ANKS1B: variants seen among roughly 807,000 people sequenced by gnomAD.
The protein encoded by ANKS1B is ankyrin repeat and sterile alpha motif domain-containing protein 1B.
Under a neutral mutation model 148.3 loss-of-function variants are expected in ANKS1B, and 36 were observed. The observed-to-expected ratio is 0.24, with a 90% CI of 0.19 to 0.32. The LOEUF is 0.32. ANKS1B is among the 10% of genes least tolerant of loss of function. The probability of loss-of-function intolerance (pLI) is 1.00; values close to 1 mark genes in which losing one functional copy is unlikely to be tolerated. For missense variants in ANKS1B, 1,157 were observed against 1,542.6 expected, an observed-to-expected ratio of 0.75 and a Z score of 4.19; for synonymous variants, 542 against 560.8, an observed-to-expected ratio of 0.97 and a Z score of 0.47.
intron 9 of ANKS1B, among the ~76,000 whole-genome samples, chr12:99,622,744 A>G (rs2098069305): frequency 6.6e-6 from 1 of 152,022 alleles, no homozygotes; most frequent in Non-Finnish European, 1.5e-5. Context: ...CCAAAACTGA[A>G]TCAGTAAGAA....
intron 17 of ANKS1B, among the ~76,000 whole-genome samples, chr12:98,947,563 T>C (rs180969783): frequency 0.036 from 5,478 of 152,294 alleles, 114 homozygotes; most frequent in African/African-American, 0.058. Flanking sequence ...TTACATACCA[T>C]GGAGAAGTCC....
rs191829339 is a variant in ANKS1B, at chr12:99,354,795, C to A, written c.1756+44836G>T. ...TAACAGTTGACAGGGGAGAAAAAAA[C>A]CACCCAGAAGTTTTTATTGACTTTA... On this transcript the variant is annotated intron_variant, in intron 12 of 26. Coordinates refer to ENST00000683438, the MANE Select transcript of ANKS1B (RefSeq NM_001352186.2). Among the ~76,000 whole-genome samples, 318 of 151,978 alleles carry A rather than the reference C, an allele frequency of 2.1e-3. 1 individual carries two copies. The highest frequency in any genetic ancestry group is 3.5e-3 in the Non-Finnish European group (241 of 67,918).
At chr12:99,545,367 T>C (rs1432847357) in intron 9 of ANKS1B, among the ~76,000 whole-genome samples, 2 of 152,280 alleles carry the variant, frequency 1.3e-5, no homozygotes, top group African/African-American at 4.8e-5. Context: ...CTTTTAACTC[T>C]TGAAATTGTC....
At chr12:99,623,324 C>T (rs1224562624) in intron 9 of ANKS1B, among the ~76,000 whole-genome samples, 2 of 152,028 alleles carry the variant, frequency 1.3e-5, no homozygotes, top group Non-Finnish European at 2.9e-5. Flanking sequence ...AAAATTGAAG[C>T]ATTTTCCTTG....
chr12:99,825,372 T>C lies in ANKS1B; in HGVS notation c.152A>G (p.Asn51Ser), dbSNP rs374746416. 40 of 1,611,398 alleles carry C rather than the reference T, an allele frequency of 2.5e-5. No individual in the cohort carries two copies. The highest frequency in any genetic ancestry group is 1.1e-4 in the African/African-American group (8 of 75,032). Reference sequence around the variant, plus strand: ...ACCCGAACTGTCTGTGCAGTTCACATTGGGGCCTCGCCAGATGCTGCAAAT... The same window carrying C: ...ACCCGAACTGTCTGTGCAGTTCACACTGGGGCCTCGCCAGATGCTGCAAAT... ...SNLLSIWRGP[N>S]VNCTDSSGYT... is the part of the protein sequence containing the mutation. Residue 51 changes from asparagine (N) to serine (S), a missense_variant, in exon 2 of 27, where the codon AAT becomes AGT. By Grantham distance (46) the Asn-to-Ser change is conservative. This residue lies in a region of ANKS1B where 164 missense variants were observed against 232.6 expected (regional missense o/e 0.71). Transcript: ENST00000683438.
At chr12:99,767,743 T>C (rs2062790083) in intron 8 of ANKS1B, among the ~76,000 whole-genome samples, 1 of 152,148 alleles carries the variant, frequency 6.6e-6, no homozygotes, top group Non-Finnish European at 1.5e-5. Context: ...TAAGAGTATA[T>C]AAAACAGACT....
chr12:99,053,514 C>G (rs756602579), intron 16 of ANKS1B, among the ~76,000 whole-genome samples: 6 of 152,266 alleles, frequency 3.9e-5, no homozygotes, highest in Non-Finnish European at 8.8e-5. Flanking sequence ...TCAAAATATA[C>G]ACAGAAATTT....
chr12:99,392,674 C>A (rs1402080565), intron 12 of ANKS1B, among the ~76,000 whole-genome samples: 1 of 152,142 alleles, frequency 6.6e-6, no homozygotes, highest in African/African-American at 2.4e-5. Flanking sequence ...TTATCACTGG[C>A]GATGCTCAGC....
intron 19 of ANKS1B, among the ~76,000 whole-genome samples, chr12:98,821,971 A>G (rs144156590): frequency 5.4e-4 from 82 of 150,908 alleles, no homozygotes; most frequent in Admixed American, 1.1e-3. Context: ...TGTAACTTCA[A>G]GTTAAACAGC....
chr12:99,856,975 T>C (rs576279457), intron 1 of ANKS1B, among the ~76,000 whole-genome samples: 3 of 152,190 alleles, frequency 2.0e-5, no homozygotes, highest in African/African-American at 7.2e-5. Context: ...AACTGGAACA[T>C]GACAAGGATG....
chr12:99,632,750 TATATATATA>T (rs2098178741), intron 9 of ANKS1B, among the ~76,000 whole-genome samples: 1 of 112,432 alleles, frequency 8.9e-6, no homozygotes, highest in African/African-American at 3.2e-5. Context: ...TATATATATA[TATATATATA>T]TATATATATT....
At chr12:99,564,701 T>C (rs2153211309) in intron 9 of ANKS1B, among the ~76,000 whole-genome samples, 1 of 152,284 alleles carries the variant, frequency 6.6e-6, no homozygotes, top group East Asian at 1.9e-4. Flanking sequence ...TTTCCATTAA[T>C]TCCTAACCAA....
intron 14 of ANKS1B, among the ~76,000 whole-genome samples, chr12:99,160,348 T>C (rs1252534830): frequency 1.3e-5 from 2 of 151,770 alleles, no homozygotes; most frequent in African/African-American, 2.4e-5. Flanking sequence ...TAGGATTCTT[T>C]TTTTTTTTGA....
chr12:98,989,786 G>A (rs773733764), intron 17 of ANKS1B, among the ~76,000 whole-genome samples: 3 of 152,082 alleles, frequency 2.0e-5, no homozygotes, highest in South Asian at 2.1e-4. Context: ...CAGGCTGCTC[G>A]GGAGGCTGAG....
At chr12:99,475,244 C>CAA (rs35782669) in intron 10 of ANKS1B, among the ~76,000 whole-genome samples, 3 of 83,760 alleles carry the variant, frequency 3.6e-5, no homozygotes, top group African/African-American at 4.9e-5. Flanking sequence ...GACTCTGTTT[C>CAA]AAAAAAAAAA....
At chr12:99,935,508 C>T (rs879836999) in intron 1 of ANKS1B, among the ~76,000 whole-genome samples, 3 of 152,122 alleles carry the variant, frequency 2.0e-5, no homozygotes, top group Non-Finnish European at 4.4e-5. Context: ...ATGGTTTCCT[C>T]TTAAGCATAG....
At chr12:99,963,197 G>GA (rs1422223808) in intron 1 of ANKS1B, among the ~76,000 whole-genome samples, 1 of 152,170 alleles carries the variant, frequency 6.6e-6, no homozygotes, top group Non-Finnish European at 1.5e-5. Context: ...CCCACTTTCT[G>GA]ATGGGGTTTT....
chr12:99,698,675 G>T (rs1049865471), intron 8 of ANKS1B, among the ~76,000 whole-genome samples: 40 of 152,270 alleles, frequency 2.6e-4, no homozygotes, highest in African/African-American at 9.1e-4. Context: ...TCGGGTTTAT[G>T]AATCTAACAT....
intron 8 of ANKS1B, among the ~76,000 whole-genome samples, chr12:99,762,211 T>G (rs953234693): frequency 1.3e-5 from 2 of 152,030 alleles, no homozygotes; most frequent in African/African-American, 4.8e-5. Flanking sequence ...AAAATTCACA[T>G]GGAATCAAAA....
Sources: allele counts gnomAD v4.1 joint callset (sites outside exome capture counted in the v4.1 genomes callset), GRCh38; gene constraint gnomAD v4.1.1; regional missense constraint gnomAD v4.1.1; transcripts MANE v1.5; gene names NCBI Gene and HGNC (gene_info 2026-07-23, HGNC 2026-07-21).